Variants in MAP3K7CL observed in about 807,000 individuals in gnomAD.
MAP3K7CL encodes MAP3K7 C-terminal-like protein.
In MAP3K7CL, 16 loss-of-function variants were observed where a neutral mutation model predicts 18.6. The observed-to-expected ratio is 0.86, with a 90% CI of 0.58 to 1.31. MAP3K7CL has a LOEUF of 1.31. Ranked by LOEUF, MAP3K7CL falls within the 50% of genes most tolerant of loss-of-function variation. The pLI, the probability that MAP3K7CL is intolerant of heterozygous loss-of-function variation, is 0.00. For missense variants in MAP3K7CL, 163 were observed against 174.4 expected, an observed-to-expected ratio of 0.93 and a Z score of 0.37; for synonymous variants, 65 against 66.8, an observed-to-expected ratio of 0.97 and a Z score of 0.13.
At chr21:29,124,639 C>G (rs955671755) in intron 4 of MAP3K7CL, among the ~76,000 whole-genome samples, 6 of 152,124 alleles carry the variant, frequency 3.9e-5, no homozygotes, top group African/African-American at 1.4e-4. Context: ...TAAAGTCTGT[C>G]CCACAGCCTG....
intron 3 of MAP3K7CL, among the ~76,000 whole-genome samples, chr21:29,155,058 C>A (rs2087366986): frequency 1.3e-5 from 2 of 152,136 alleles, no homozygotes; most frequent in Non-Finnish European, 2.9e-5. Context: ...ATTGATAGTG[C>A]TCAACTTGTA....
At chr21:29,117,758 T>C (rs2086526425) in intron 4 of MAP3K7CL, among the ~76,000 whole-genome samples, 1 of 152,222 alleles carries the variant, frequency 6.6e-6, no homozygotes, top group Non-Finnish European at 1.5e-5. Flanking sequence ...CTTTTTTGAA[T>C]GTCCTCAGGT....
At chr21:29,146,109 G>T (rs2087123071) in intron 2 of MAP3K7CL, among the ~76,000 whole-genome samples, 1 of 151,968 alleles carries the variant, frequency 6.6e-6, no homozygotes, top group African/African-American at 2.4e-5. Flanking sequence ...TTCACAGGGG[G>T]CAAGGTGGAT....
intron 4 of MAP3K7CL, among the ~76,000 whole-genome samples, chr21:29,164,383 C>T (rs2087631581): frequency 6.6e-6 from 1 of 152,156 alleles, no homozygotes; most frequent in Non-Finnish European, 1.5e-5. Context: ...TAAAGTGTAG[C>T]TGATTATGTT....
chr21:29,108,894 A>T (rs2086370544), intron 4 of MAP3K7CL: 2 of 672,190 alleles, frequency 3.0e-6, no homozygotes, highest in East Asian at 5.9e-5. Flanking sequence ...TGCAGTGTTC[A>T]GTCAGCTCCA....
At chr21:29,122,760 A>G (rs557501773) in intron 4 of MAP3K7CL, among the ~76,000 whole-genome samples, 3 of 152,222 alleles carry the variant, frequency 2.0e-5, no homozygotes, top group East Asian at 3.9e-4. Flanking sequence ...GGAAAAGGCA[A>G]CATTCGGGTG....
chr21:29,140,080 C>T (rs755959204), intron 2 of MAP3K7CL, among the ~76,000 whole-genome samples: 8 of 152,106 alleles, frequency 5.3e-5, no homozygotes, highest in South Asian at 2.1e-4. Context: ...CATTTAAAGC[C>T]GCCTCAGCAT....
intron 3 of MAP3K7CL, among the ~76,000 whole-genome samples, chr21:29,156,860 C>A (rs1005100586): frequency 3.9e-5 from 6 of 152,122 alleles, no homozygotes; most frequent in African/African-American, 1.2e-4. Context: ...TGTCAACTGC[C>A]CTCTAAGAAC....
chr21:29,159,908 A>C (rs2087501603), intron 3 of MAP3K7CL, 33 bp from the exon 4 acceptor site: 1 of 1,557,176 alleles, frequency 6.4e-7, no homozygotes, highest in African/African-American at 1.4e-5. Flanking sequence ...TGATGCAAAG[A>C]AATGGACTAA....
At chr21:29,155,138 A>T (rs1329189538) in intron 3 of MAP3K7CL, among the ~76,000 whole-genome samples, 1 of 152,228 alleles carries the variant, frequency 6.6e-6, no homozygotes, top group Non-Finnish European at 1.5e-5. Context: ...AGAGTTCTTA[A>T]ATATCGAAAT....
chr21:29,132,709 C>T (rs1568953139), intron 1 of MAP3K7CL, among the ~76,000 whole-genome samples: 1 of 152,010 alleles, frequency 6.6e-6, no homozygotes, highest in Admixed American at 6.6e-5. Flanking sequence ...GGGGTTTTCT[C>T]ATGTTGGTCA....
intron 2 of MAP3K7CL, among the ~76,000 whole-genome samples, chr21:29,137,842 T>C (rs2086918521): frequency 6.6e-6 from 1 of 152,092 alleles, no homozygotes; most frequent in Admixed American, 6.6e-5. Context: ...TCAAAAGCGA[T>C]GAAGTGTCAA....
chr21:29,080,598 C>G (rs750436110), intron 1 of MAP3K7CL: 3 of 152,246 alleles, frequency 2.0e-5, no homozygotes, highest in Non-Finnish European at 1.5e-5. Flanking sequence ...GTAATCCTGG[C>G]TTCCTGCTTT....
Position 29,130,775 on chromosome 21 carries a change from C to G in MAP3K7CL, c.-188C>G. The stretch of plus-strand genomic sequence containing the variant: ...AGCAGGTAGCAGCGTGCTGCCCTGA[C>G]AGCTGTCTCCGCTCCTCAGATTGTC... On this transcript the variant is annotated 5_prime_UTR_variant, in exon 1 of 5. Coordinates refer to ENST00000399928, the MANE Select transcript of MAP3K7CL (RefSeq NM_001286620.2). The G allele has an allele frequency of 2.0e-6, 2 of 985,532 alleles. No homozygotes were observed. Among genetic ancestry groups the G allele is most frequent in the African/African-American group, 1.7e-5 (1 of 57,350 alleles). 61.0% of individuals were successfully genotyped at this position (985,532 alleles called of 1,614,324 possible). A position where few individuals can be genotyped will look rare whatever the true frequency, so the allele number is the denominator to read the frequency against.
chr21:29,147,343 G>A (rs189555680), intron 2 of MAP3K7CL, among the ~76,000 whole-genome samples: 29 of 151,838 alleles, frequency 1.9e-4, no homozygotes, highest in Admixed American at 9.8e-4. Flanking sequence ...ATATGTATCT[G>A]CACTGTGTAT....
At chr21:29,124,962 A>G (rs1323910186) in intron 4 of MAP3K7CL, among the ~76,000 whole-genome samples, 3 of 152,198 alleles carry the variant, frequency 2.0e-5, no homozygotes, top group Non-Finnish European at 2.9e-5. Context: ...CTACAAAAAA[A>G]GTTTGTCAAC....
chr21:29,131,037 G>A (rs558439616), intron 1 of MAP3K7CL, 114 bp downstream of exon 1: 16 of 646,352 alleles, frequency 2.5e-5, no homozygotes, highest in East Asian at 1.4e-4. Flanking sequence ...TTCCCCAGAC[G>A]GTGTGATGAA....
At chr21:29,166,659 TG>T (rs1196489853) in intron 4 of MAP3K7CL, among the ~76,000 whole-genome samples, 5 of 152,244 alleles carry the variant, frequency 3.3e-5, no homozygotes, top group African/African-American at 9.6e-5. Context: ...TCATATAATA[TG>T]TAATCTTTTG....
chr21:29,099,164 C>T (rs1033881743), intron 4 of MAP3K7CL, among the ~76,000 whole-genome samples: 1 of 151,904 alleles, frequency 6.6e-6, no homozygotes, highest in Admixed American at 6.6e-5. Flanking sequence ...AATCATGGCT[C>T]ACGGCAGCTT....
Sources: gnomAD v4.1 joint callset for allele counts (sites outside exome capture counted in the v4.1 genomes callset) on GRCh38, gnomAD v4.1.1 for gene constraint, MANE v1.5 for transcripts, NCBI Gene and HGNC (gene_info 2026-07-23, HGNC 2026-07-21) for gene names.